CSMD1: variants seen among roughly 807,000 people sequenced by gnomAD.
CSMD1 encodes the protein CUB and Sushi multiple domains 1, also known as CUB and sushi domain-containing protein 1.
CSMD1 carries 213 observed loss-of-function variants against 417.5 expected under a neutral mutation model. That is an observed-to-expected ratio of 0.51 (90% CI 0.46 to 0.57). The LOEUF (loss-of-function observed/expected upper bound fraction) is 0.57, where lower values mean the gene tolerates loss of function less well. Ranked by LOEUF, CSMD1 falls within the 20% of genes least tolerant of loss-of-function variation. The pLI, the probability that CSMD1 is intolerant of heterozygous loss-of-function variation, is 0.00. For synonymous variants in CSMD1, 2,862 were observed against 1,736.8 expected (o/e 1.65, Z -16.11); for missense variants, 6,923 against 4,529.7 (o/e 1.53, Z -15.17).
intron 1 of CSMD1, among the ~76,000 whole-genome samples, chr8:4,976,818 A>G (rs1810588692): frequency 6.6e-6 from 1 of 152,204 alleles, no homozygotes; most frequent in African/African-American, 2.4e-5. Flanking sequence ...TATTTTTATT[A>G]AATATTCATT....
chr8:3,120,819 C>T (rs568162070), intron 41 of CSMD1, among the ~76,000 whole-genome samples: 4 of 152,194 alleles, frequency 2.6e-5, no homozygotes, highest in Middle Eastern at 6.8e-3. Flanking sequence ...TGCACTCCAG[C>T]CTGGCGACAC....
chr8:3,693,176 T>C (rs1024893987), intron 7 of CSMD1, among the ~76,000 whole-genome samples: 1 of 152,170 alleles, frequency 6.6e-6, no homozygotes, highest in Middle Eastern at 3.2e-3. Flanking sequence ...TGAGTAAAAT[T>C]GGTCAGGAGT....
intron 12 of CSMD1, among the ~76,000 whole-genome samples, chr8:3,429,869 G>A (rs1814106617): frequency 6.6e-6 from 1 of 152,110 alleles, no homozygotes; most frequent in East Asian, 1.9e-4. Context: ...GCACTACTGA[G>A]TTTGGTCACA....
intron 8 of CSMD1, among the ~76,000 whole-genome samples, chr8:3,589,242 T>C (rs2117015377): frequency 6.6e-6 from 1 of 152,122 alleles, no homozygotes; most frequent in East Asian, 1.9e-4. Flanking sequence ...TCTGATCCTA[T>C]ATCTGAAGGA....
chr8:3,378,701 C>T (rs1810462507), intron 18 of CSMD1, among the ~76,000 whole-genome samples: 1 of 152,164 alleles, frequency 6.6e-6, no homozygotes, highest in Non-Finnish European at 1.5e-5. Context: ...TTCAACACCC[C>T]TTCATGCTAA....
chr8:4,876,968 A>T (rs1436660289), intron 1 of CSMD1, among the ~76,000 whole-genome samples: 1 of 152,112 alleles, frequency 6.6e-6, no homozygotes, highest in Non-Finnish European at 1.5e-5. Flanking sequence ...ATTTTATGAC[A>T]ATTAAAAATA....
intron 5 of CSMD1, among the ~76,000 whole-genome samples, chr8:3,764,071 C>G (rs1019227739): frequency 6.6e-6 from 1 of 152,096 alleles, no homozygotes; most frequent in Admixed American, 6.6e-5. Flanking sequence ...CACAGGCTCT[C>G]AGATGTATAT....
chr8:3,495,675 G>C (rs921650912), intron 10 of CSMD1, among the ~76,000 whole-genome samples: 11 of 152,168 alleles, frequency 7.2e-5, no homozygotes, highest in African/African-American at 2.7e-4. Context: ...TAAAATAGAA[G>C]TATGTGTATT....
chr8:4,852,853 G>C (rs957318609), intron 1 of CSMD1, among the ~76,000 whole-genome samples: 1 of 152,174 alleles, frequency 6.6e-6, no homozygotes, highest in African/African-American at 2.4e-5. Flanking sequence ...TTAGGCCCTA[G>C]CAAAGAACTT....
At position 4,397,699 on chromosome 8, in the gene CSMD1, G is replaced by T. The variant is rs548989259; in HGVS notation, c.415+22254C>A. 2.6e-5 allele frequency among the ~76,000 whole-genome samples: 4 copies of T among 151,900 alleles called. No individual in the cohort carries two copies. In the South Asian group the frequency reaches 8.3e-4, roughly 32 times the overall value. On this transcript the variant is annotated intron_variant, in intron 3 of 69. Transcript: ENST00000635120. The stretch of plus-strand genomic sequence containing the variant: ...AAGATGAAGAAATAGATATTAATAA[G>T]ATTTCAAATTAACTAGATTTGAATC...
chr8:4,209,353 C>G (rs1258227872), intron 3 of CSMD1, among the ~76,000 whole-genome samples: 1 of 152,180 alleles, frequency 6.6e-6, no homozygotes, highest in Non-Finnish European at 1.5e-5. Flanking sequence ...AGAAAGAATT[C>G]CAAAGGACAC....
chr8:3,145,605 A>C (rs1016879492), intron 40 of CSMD1, among the ~76,000 whole-genome samples: 4 of 152,218 alleles, frequency 2.6e-5, no homozygotes, highest in African/African-American at 9.6e-5. Context: ...ATATCAAACT[A>C]CCTAATACAT....
intron 5 of CSMD1, among the ~76,000 whole-genome samples, chr8:3,954,184 G>T (rs2627508): frequency 6.6e-6 from 1 of 152,116 alleles, no homozygotes; most frequent in African/African-American, 2.4e-5. Context: ...ATCCTCAGAA[G>T]AAGGAATTTG....
chr8:3,926,086 C>CACACACACACACAAACACCAT (rs1809670119), intron 5 of CSMD1, among the ~76,000 whole-genome samples: 7 of 16,148 alleles, frequency 4.3e-4, no homozygotes, highest in African/African-American at 3.0e-3. Flanking sequence ...ACACCATACA[C>CACACACACACACAAACACCAT]ACACACACAC....
intron 1 of CSMD1, among the ~76,000 whole-genome samples, chr8:4,681,377 T>C (rs1253900846): frequency 6.6e-6 from 1 of 152,190 alleles, no homozygotes; most frequent in Non-Finnish European, 1.5e-5. Flanking sequence ...TCAGTGGGCA[T>C]TCTTGCTGTC....
chr8:3,757,744 G>C (rs1343358570), intron 5 of CSMD1, among the ~76,000 whole-genome samples: 1 of 151,938 alleles, frequency 6.6e-6, no homozygotes, highest in Admixed American at 6.5e-5. Flanking sequence ...AGATAATCGG[G>C]AGGCTGAGGC....
intron 1 of CSMD1, among the ~76,000 whole-genome samples, chr8:4,904,448 G>C (rs962765450): frequency 6.6e-6 from 1 of 152,174 alleles, no homozygotes; most frequent in African/African-American, 2.4e-5. Flanking sequence ...TATTTGAAGA[G>C]GTAAGAGACA....
At chr8:3,015,489 G>C (rs569177695) in intron 52 of CSMD1, among the ~76,000 whole-genome samples, 40 of 151,720 alleles carry the variant, frequency 2.6e-4, no homozygotes, top group Non-Finnish European at 5.3e-4. Flanking sequence ...ACAGTTTTCA[G>C]AATATATATA....
intron 5 of CSMD1, among the ~76,000 whole-genome samples, chr8:3,924,754 C>G (rs564719823): frequency 1.4e-5 from 2 of 145,248 alleles, no homozygotes; most frequent in Admixed American, 7.2e-5. Context: ...TCATTTTGTT[C>G]ATATCTTGTT....
Sources: gnomAD v4.1 joint callset for allele counts (sites outside exome capture counted in the v4.1 genomes callset) on GRCh38, gnomAD v4.1.1 for gene constraint, MANE v1.5 for transcripts, NCBI Gene and HGNC (gene_info 2026-07-23, HGNC 2026-07-21) for gene names.